Variants in ITSN2 observed in about 807,000 individuals in gnomAD.
The protein encoded by ITSN2 is intersectin-2.
ITSN2 carries 156 observed loss-of-function variants against 243.7 expected under a neutral mutation model. The observed-to-expected ratio is 0.64, with a 90% CI of 0.56 to 0.73. The LOEUF is 0.73. Ranked by LOEUF, ITSN2 falls within the 30% of genes least tolerant of loss-of-function variation. The probability of loss-of-function intolerance (pLI) is 0.00; values close to 1 mark genes in which losing one functional copy is unlikely to be tolerated. For synonymous variants in ITSN2, 703 were observed against 699.9 expected (o/e 1.00, Z -0.07); for missense variants, 1,801 against 1,996.1 (o/e 0.90, Z 1.86).
intron 1 of ITSN2, among the ~76,000 whole-genome samples, chr2:24,348,213 T>G (rs1255417533): frequency 1.9e-5 from 1 of 51,422 alleles, no homozygotes; most frequent in Non-Finnish European, 4.3e-5. Context: ...TTTTTTTTTT[T>G]GCCCAAGCTG....
intron 1 of ITSN2, among the ~76,000 whole-genome samples, chr2:24,352,733 A>C (rs1688132757): frequency 6.6e-6 from 1 of 152,226 alleles, no homozygotes; most frequent in African/African-American, 2.4e-5. Context: ...TTAGTACTCA[A>C]ATTCTATTGA....
At chr2:24,303,698 A>G (rs1682102132) in intron 9 of ITSN2, 101 bp downstream of exon 9, 1 of 833,852 alleles carries the variant, frequency 1.2e-6, no homozygotes, top group African/African-American at 1.7e-5. Context: ...CTGAGTCACA[A>G]ACTTTTACAG....
chr2:24,263,687 CTTT>C (rs911307382), intron 20 of ITSN2, among the ~76,000 whole-genome samples: 19 of 152,158 alleles, frequency 1.2e-4, no homozygotes, highest in African/African-American at 4.1e-4. Flanking sequence ...TATATGTATC[CTTT>C]TTGTCTGCCT....
intron 2 of ITSN2, chr2:24,321,939 T>A (rs1684621611): frequency 6.6e-6 from 1 of 152,124 alleles, no homozygotes; most frequent in Admixed American, 6.5e-5. Flanking sequence ...TGAAAACCCA[T>A]GGTAATAAAG....
At chr2:24,319,389 A>G (rs1684290381) in intron 2 of ITSN2, among the ~76,000 whole-genome samples, 1 of 152,206 alleles carries the variant, frequency 6.6e-6, no homozygotes, top group Non-Finnish European at 1.5e-5. Flanking sequence ...TTCTGCAAGA[A>G]AAATGCCTTG....
chr2:24,277,566 T>C (rs1221214392), intron 17 of ITSN2, among the ~76,000 whole-genome samples: 1 of 152,170 alleles, frequency 6.6e-6, no homozygotes, highest in Non-Finnish European at 1.5e-5. Context: ...AGCAGAAGAA[T>C]ATAGTGGTTA....
chr2:24,334,588 A>T, intron 1 of ITSN2: 1 of 1,032,376 alleles, frequency 9.7e-7, no homozygotes. Context: ...GTGACACAGT[A>T]CAAGAAGGGC....
At chr2:24,275,977 AGT>A (rs1416874386) in intron 17 of ITSN2, 128 bp from the exon 18 acceptor site, 1 of 618,044 alleles carries the variant, frequency 1.6e-6, no homozygotes, top group African/African-American at 1.9e-5. Flanking sequence ...AAATATTTAA[AGT>A]TTTAAAAAAT....
Position 24,203,439 on chromosome 2 carries a change from T to C in ITSN2, c.*187A>G. On this transcript the variant is annotated 3_prime_UTR_variant, in exon 40 of 40. Coordinates refer to ENST00000355123, the MANE Select transcript of ITSN2 (RefSeq NM_006277.3). Reference sequence around the variant, plus strand: ...AGGCACTGTACTATGGGGTTTGGTTTCTTTATGGGAAAGGTGTTTGCATAG... The same window carrying C: ...AGGCACTGTACTATGGGGTTTGGTTCCTTTATGGGAAAGGTGTTTGCATAG... 1 of 583,864 alleles carries C rather than the reference T, an allele frequency of 1.7e-6. No homozygotes were observed. Among genetic ancestry groups the C allele is most frequent in the Non-Finnish European group, 3.0e-6 (1 of 336,694 alleles). 36.2% of individuals were successfully genotyped at this position (583,864 alleles called of 1,614,324 possible). A position where few individuals can be genotyped will look rare whatever the true frequency, so the allele number is the denominator to read the frequency against.
intron 2 of ITSN2, chr2:24,326,665 T>C (rs1210043096): frequency 5.9e-6 from 1 of 169,044 alleles, no homozygotes; most frequent in East Asian, 1.9e-4. Context: ...CTCACATTAA[T>C]CCTTAAATAA....
Position 24,203,672 on chromosome 2 carries a change from C to T in ITSN2, c.5048G>A (p.Trp1683Ter), listed in dbSNP as rs377002251. Reference protein sequence around the residue: ...LLHEVPTGEVWVRFDLQLFEQ... With the variant: ...LLHEVPTGEV Reference sequence around the variant, plus strand: ...AAAAAGCTGCAGGTCAAAACGGACCCAGACCTCCCCGGTGGGGACCTCATG... The same window carrying T: ...AAAAAGCTGCAGGTCAAAACGGACCTAGACCTCCCCGGTGGGGACCTCATG... Residue 1683 changes from tryptophan to a stop codon, truncating the protein, a stop_gained, in exon 40 of 40, where the codon TGG becomes TAG. Transcript: ENST00000355123. LOFTEE classifies it high-confidence loss of function. The T allele has an allele frequency of 1.9e-6, 3 of 1,614,138 alleles. No homozygotes were observed. The highest frequency in any genetic ancestry group is 2.5e-6 in the Non-Finnish European group (3 of 1,180,030).
intron 29 of ITSN2, among the ~76,000 whole-genome samples, chr2:24,245,433 TAA>T (rs1673231611): frequency 6.6e-6 from 1 of 151,760 alleles, no homozygotes; most frequent in South Asian, 2.1e-4. Flanking sequence ...TTCTGTACAC[TAA>T]AAGAGTAATT....
chr2:24,325,369 C>A (rs1430116178), intron 2 of ITSN2, among the ~76,000 whole-genome samples: 1 of 152,024 alleles, frequency 6.6e-6, no homozygotes, highest in Non-Finnish European at 1.5e-5. Context: ...GTGTTCATAC[C>A]ACTACACTCC....
chr2:24,335,820 T>C (rs1686301613), intron 1 of ITSN2, among the ~76,000 whole-genome samples: 1 of 151,882 alleles, frequency 6.6e-6, no homozygotes, highest in South Asian at 2.1e-4. Context: ...GTATTTTTAG[T>C]AGGGACGGGG....
rs571737724 is a variant in ITSN2, at chr2:24,354,365, T to A, written c.-34+5939A>T. ...CTACTTTTCAGCCTTCTTATATAGA[T>A]TATTCCGATGGTAAGATTAAAAATT... On this transcript the variant is annotated intron_variant, in intron 1 of 39. Transcript: ENST00000355123. Among the ~76,000 whole-genome samples, 1,134 of 152,342 alleles carry A rather than the reference T, an allele frequency of 7.4e-3. 8 individuals carry two copies. The highest frequency in any genetic ancestry group is 0.026 in the African/African-American group (1,093 of 41,562).
Position 24,248,874 on chromosome 2 carries a change from C to T in ITSN2, c.3129G>A (p.Gly1043=), listed in dbSNP as rs986541574. The T allele has an allele frequency of 9.9e-6, 16 of 1,613,504 alleles. No individual in the cohort carries two copies. In the Admixed American group the frequency reaches 1.3e-4, roughly 13 times the overall value. Residue 1043 remains glycine (G), a synonymous_variant, in exon 26 of 40, where the codon GGG becomes GGA. Transcript: ENST00000355123. ...TTGATGCTCCAGACTTGCTAGCACT[C>T]CCAAAACTCTACAAGGAAAAGATAC... The part of the protein sequence containing the change: ...YVKPKDQESF[G]SASKSGASNK...
intron 21 of ITSN2, 67 bp downstream of exon 21, chr2:24,261,494 C>A: frequency 8.0e-7 from 1 of 1,252,722 alleles, no homozygotes. Flanking sequence ...TAGGCTGACA[C>A]CATTATATAT....
At chr2:24,231,247 A>G (rs1250660182) in intron 29 of ITSN2, among the ~76,000 whole-genome samples, 1 of 152,080 alleles carries the variant, frequency 6.6e-6, no homozygotes, top group African/African-American at 2.4e-5. Flanking sequence ...GTTTTAGCCT[A>G]CTCAAACACC....
chr2:24,246,072 G>C, intron 29 of ITSN2, 57 bp downstream of exon 29: 4 of 1,106,188 alleles, frequency 3.6e-6, no homozygotes, highest in Non-Finnish European at 5.3e-6. Context: ...AATAAATGCA[G>C]TGCTGTATAT....
Sources: gnomAD v4.1 joint callset for allele counts (sites outside exome capture counted in the v4.1 genomes callset) on GRCh38, gnomAD v4.1.1 for gene constraint, MANE v1.5 for transcripts, NCBI Gene and HGNC (gene_info 2026-07-23, HGNC 2026-07-21) for gene names.